DDR2: variants seen among roughly 807,000 people sequenced by gnomAD.
The protein encoded by DDR2 is discoidin domain receptor tyrosine kinase 2.
In DDR2, 27 loss-of-function variants were observed where a neutral mutation model predicts 94.9. That is an observed-to-expected ratio of 0.28 (90% CI 0.21 to 0.39). The LOEUF (loss-of-function observed/expected upper bound fraction) is 0.39. DDR2 is among the 10% of genes least tolerant of loss of function. DDR2 has a pLI of 1.00. For missense variants in DDR2, 783 were observed against 1,076.0 expected, an observed-to-expected ratio of 0.73 and a Z score of 3.81; for synonymous variants, 382 against 377.2, an observed-to-expected ratio of 1.01 and a Z score of -0.15.
intron 2 of DDR2, among the ~76,000 whole-genome samples, chr1:162,666,676 T>C (rs1251866560): frequency 6.6e-6 from 1 of 152,170 alleles, no homozygotes; most frequent in Non-Finnish European, 1.5e-5. Flanking sequence ...CTGGCATTTA[T>C]GTAGCACTTT....
chr1:162,766,054 A>T lies in DDR2; in HGVS notation c.1153A>T (p.Thr385Ser), dbSNP rs749852883. ...EALPTSPMAP[T>S]TYDPMLKVDD... ...CCTGCCCACCTCTCCTATGGCACCC[A>T]CAACCTATGGTATATGTGATTCCTA... Residue 385 changes from threonine (T) to serine (S), a missense_variant, in exon 10 of 18, where the codon ACA (threonine) becomes TCA (serine). Coordinates refer to ENST00000367921, the MANE Select transcript of DDR2 (RefSeq NM_006182.4). The T allele has an allele frequency of 4.5e-5, 73 of 1,613,784 alleles. 2 individuals are homozygous for T. In the Admixed American group the frequency reaches 1.2e-3, roughly 27 times the overall value.
intron 1 of DDR2, among the ~76,000 whole-genome samples, chr1:162,651,925 T>C (rs1206387799): frequency 6.6e-6 from 1 of 152,232 alleles, no homozygotes; most frequent in East Asian, 1.9e-4. Context: ...ACCATCAGCC[T>C]ACGGTTAAGG....
chr1:162,691,546 C>T (rs1198568131), intron 2 of DDR2, among the ~76,000 whole-genome samples: 3 of 152,184 alleles, frequency 2.0e-5, no homozygotes, highest in Non-Finnish European at 2.9e-5. Context: ...TTGATGCAAA[C>T]GCTGTGCTTG....
At chr1:162,705,661 A>C (rs1660628092) in intron 2 of DDR2, among the ~76,000 whole-genome samples, 1 of 152,142 alleles carries the variant, frequency 6.6e-6, no homozygotes, top group Non-Finnish European at 1.5e-5. Flanking sequence ...TGTTGGAATG[A>C]AGAGGGAGCT....
At chr1:162,750,265 T>C (rs1663117257) in intron 3 of DDR2, among the ~76,000 whole-genome samples, 2 of 152,170 alleles carry the variant, frequency 1.3e-5, no homozygotes, top group African/African-American at 4.8e-5. Flanking sequence ...GCCCCAAATC[T>C]CCTTAAGCTG....
chr1:162,739,900 G>A (rs1333741086), intron 3 of DDR2, among the ~76,000 whole-genome samples: 1 of 151,682 alleles, frequency 6.6e-6, no homozygotes, highest in African/African-American at 2.4e-5. Flanking sequence ...ACTGAATACA[G>A]GGTATTGAAG....
At position 162,678,745 on chromosome 1, in the gene DDR2, C is replaced by T. The variant is rs76461551; in HGVS notation, c.-28+23371C>T. On this transcript the variant is annotated intron_variant, in intron 2 of 17. Coordinates refer to ENST00000367921, the MANE Select transcript of DDR2 (RefSeq NM_006182.4). ...ACAAAGTGGCACAATTTCTAAGGCTCCCTCGGGCAACAAAGTAGGTTGTGT... is the reference window on the plus strand; with the variant it reads ...ACAAAGTGGCACAATTTCTAAGGCTTCCTCGGGCAACAAAGTAGGTTGTGT... 1.3e-3 allele frequency among the ~76,000 whole-genome samples: 201 copies of T among 152,234 alleles called. 1 individual carries two copies. Among genetic ancestry groups the T allele is most frequent in the Non-Finnish European group, 2.2e-3 (148 of 68,014 alleles).
At chr1:162,736,976 G>A (rs527284123) in intron 3 of DDR2, among the ~76,000 whole-genome samples, 1 of 152,316 alleles carries the variant, frequency 6.6e-6, no homozygotes, top group Admixed American at 6.5e-5. Context: ...CTTCACTATT[G>A]TGAATAGTGT....
chr1:162,657,514 C>T (rs1359473507), intron 2 of DDR2, among the ~76,000 whole-genome samples: 1 of 152,094 alleles, frequency 6.6e-6, no homozygotes, highest in Non-Finnish European at 1.5e-5. Context: ...GATGGGTAGC[C>T]ACCTGCTTTT....
At chr1:162,678,680 C>G (rs1659249713) in intron 2 of DDR2, among the ~76,000 whole-genome samples, 1 of 152,206 alleles carries the variant, frequency 6.6e-6, no homozygotes, top group Non-Finnish European at 1.5e-5. Context: ...CTAGCCTTCC[C>G]CAGGTAACCT....
intron 2 of DDR2, among the ~76,000 whole-genome samples, chr1:162,700,648 C>T (rs755599453): frequency 2.0e-5 from 3 of 152,158 alleles, no homozygotes; most frequent in Non-Finnish European, 2.9e-5. Context: ...CATCCTTTTA[C>T]TACACATGTT....
At chr1:162,776,511 G>A (rs760574003) in intron 16 of DDR2, 141 bp downstream of exon 16, 5 of 759,176 alleles carry the variant, frequency 6.6e-6, no homozygotes, top group Non-Finnish European at 1.1e-5. Context: ...TATTTTCTTT[G>A]TGTACTAATT....
chr1:162,692,156 C>A (rs1049824812), intron 2 of DDR2, among the ~76,000 whole-genome samples: 1 of 152,192 alleles, frequency 6.6e-6, no homozygotes, highest in African/African-American at 2.4e-5. Flanking sequence ...GTCTTGAGAG[C>A]ACATCCCTGC....
At chr1:162,749,346 T>G (rs1663058156) in intron 3 of DDR2, among the ~76,000 whole-genome samples, 1 of 152,168 alleles carries the variant, frequency 6.6e-6, no homozygotes, top group Admixed American at 6.5e-5. Flanking sequence ...CCCACAGAAT[T>G]ACAAACTATC....
In DDR2 at chr1:162,710,591, T is replaced by C. The variant is rs141465132; in HGVS notation, c.-27-8446T>C. On this transcript the variant is annotated intron_variant, in intron 2 of 17. Transcript: ENST00000367921. ...AATATGAAATACTCCAAAACTGCTC[T>C]TCATATTTGTTTAATCTGAAATGAA... Among the ~76,000 whole-genome samples the C allele has an allele frequency of 7.5e-3, 1,136 of 152,314 alleles. 8 individuals carry two copies. The highest frequency in any genetic ancestry group is 7.6e-3 in the Non-Finnish European group (514 of 68,018).
At chr1:162,696,015 A>G (rs1660168911) in intron 2 of DDR2, among the ~76,000 whole-genome samples, 1 of 152,160 alleles carries the variant, frequency 6.6e-6, no homozygotes, top group African/African-American at 2.4e-5. Context: ...TGTATTGAAA[A>G]GTAGATCAAT....
Position 162,740,073 on chromosome 1 carries a change from T to A in DDR2, c.83-13022T>A, listed in dbSNP as rs148768710. Among the ~76,000 whole-genome samples the A allele has an allele frequency of 6.0e-4, 92 of 152,330 alleles. No individual in the cohort carries two copies. The East Asian group carries it at 0.016, about 26-fold the overall frequency. ...TATCTCTAAAGTTTACCTCTTTTTT[T>A]AAATAAATATTTTTAAATACCTATT... On this transcript the variant is annotated intron_variant, in intron 3 of 17. Coordinates refer to ENST00000367921, the MANE Select transcript of DDR2 (RefSeq NM_006182.4).
At chr1:162,692,367 G>C (rs1659996223) in intron 2 of DDR2, among the ~76,000 whole-genome samples, 1 of 152,196 alleles carries the variant, frequency 6.6e-6, no homozygotes. Context: ...TCACTGTTAA[G>C]AAAGGAAAAG....
At chr1:162,715,573 A>C (rs1661128822) in intron 2 of DDR2, among the ~76,000 whole-genome samples, 1 of 152,200 alleles carries the variant, frequency 6.6e-6, no homozygotes, top group Non-Finnish European at 1.5e-5. Flanking sequence ...AGGATGATAT[A>C]GTGTGATGAT....
Sources: gnomAD v4.1 joint callset for allele counts (sites outside exome capture counted in the v4.1 genomes callset) on GRCh38, gnomAD v4.1.1 for gene constraint, MANE v1.5 for transcripts, NCBI Gene and HGNC (gene_info 2026-07-23, HGNC 2026-07-21) for gene names.